GRM8: variants seen among roughly 807,000 people sequenced by gnomAD.
The protein encoded by GRM8 is glutamate metabotropic receptor 8.
In GRM8, 47 loss-of-function variants were observed where a neutral mutation model predicts 87.2. The ratio of observed to expected loss-of-function variants is 0.54; its 90% CI spans 0.43 to 0.69. The LOEUF (loss-of-function observed/expected upper bound fraction) is 0.69. Among genes scored for constraint, GRM8 ranks in the 30% least tolerant of loss-of-function variants. GRM8 has a pLI of 0.00. For synonymous variants in GRM8, 396 were observed against 404.5 expected, an observed-to-expected ratio of 0.98 and a Z score of 0.25; for missense variants, 1,019 against 1,139.2, an observed-to-expected ratio of 0.89 and a Z score of 1.52.
At chr7:126,728,238 G>A (rs10256873) in intron 7 of GRM8, among the ~76,000 whole-genome samples, 71,500 of 151,974 alleles carry the variant, frequency 0.47, 18,322 homozygotes, top group African/African-American at 0.68. Context: ...GGAGAAACAC[G>A]TGAACTAAGG....
intron 3 of GRM8, among the ~76,000 whole-genome samples, chr7:126,958,006 C>T (rs1214974799): frequency 6.6e-6 from 1 of 152,160 alleles, no homozygotes; most frequent in Admixed American, 6.5e-5. Context: ...CTCAGCCAGT[C>T]TTAGACAGAC....
chr7:126,866,631 A>C (rs887570989), intron 6 of GRM8, among the ~76,000 whole-genome samples: 24 of 115,700 alleles, frequency 2.1e-4, no homozygotes, highest in Middle Eastern at 9.1e-3. Context: ...TTGCTCTGTC[A>C]CCCAGGTTGG....
intron 3 of GRM8, among the ~76,000 whole-genome samples, chr7:127,048,117 G>A (rs553017151): frequency 2.6e-5 from 4 of 152,302 alleles, no homozygotes; most frequent in African/African-American, 7.2e-5. Context: ...AGAGCAAATA[G>A]TAAGTGATGA....
At chr7:126,825,802 G>T (rs1392099768) in intron 6 of GRM8, among the ~76,000 whole-genome samples, 1 of 151,886 alleles carries the variant, frequency 6.6e-6, no homozygotes, top group Non-Finnish European at 1.5e-5. Flanking sequence ...CATGTGCCAT[G>T]CTGGTGTGCT....
chr7:127,174,592 T>C (rs541998383), intron 2 of GRM8, among the ~76,000 whole-genome samples: 5 of 152,322 alleles, frequency 3.3e-5, no homozygotes, highest in African/African-American at 1.2e-4. Context: ...AGAAGGCTTT[T>C]AACTTCTCAA....
intron 6 of GRM8, among the ~76,000 whole-genome samples, chr7:126,890,731 G>C (rs568298968): frequency 3.7e-4 from 57 of 152,106 alleles, no homozygotes; most frequent in Non-Finnish European, 6.3e-4. Flanking sequence ...ACACAAAGGA[G>C]AGGATCAGGG....
At chr7:126,505,093 C>A (rs1194612699) in intron 9 of GRM8, among the ~76,000 whole-genome samples, 1 of 151,944 alleles carries the variant, frequency 6.6e-6, no homozygotes, top group Non-Finnish European at 1.5e-5. Context: ...TTCTTGTCAC[C>A]AATTAGGCTA....
intron 6 of GRM8, among the ~76,000 whole-genome samples, chr7:126,881,024 G>C (rs1165455683): frequency 6.6e-6 from 1 of 152,074 alleles, no homozygotes; most frequent in Non-Finnish European, 1.5e-5. Context: ...TGTGCCTTTT[G>C]GCATGCTAGT....
chr7:126,614,046 G>T (rs1799193451), intron 7 of GRM8, among the ~76,000 whole-genome samples: 1 of 152,222 alleles, frequency 6.6e-6, no homozygotes, highest in African/African-American at 2.4e-5. Context: ...TCCCAGCACG[G>T]AGTTTGAGAT....
intron 7 of GRM8, among the ~76,000 whole-genome samples, chr7:126,670,344 A>G (rs563572620): frequency 2.6e-4 from 40 of 152,294 alleles, no homozygotes; most frequent in African/African-American, 9.6e-4. Context: ...ATGATGCTCA[A>G]TCTTCTTTAG....
chr7:126,500,953 CAT>C (rs766103317), intron 9 of GRM8, among the ~76,000 whole-genome samples: 49 of 152,078 alleles, frequency 3.2e-4, no homozygotes, highest in African/African-American at 1.1e-3. Flanking sequence ...TATCAAATCA[CAT>C]GTTTATTTTT....
chr7:126,791,469 G>A (rs17683576), intron 6 of GRM8, among the ~76,000 whole-genome samples: 3,710 of 152,260 alleles, frequency 0.024, 115 homozygotes, highest in Non-Finnish European at 0.028. Flanking sequence ...GCTGTAACCA[G>A]GTAGGCTGCC....
intron 3 of GRM8, among the ~76,000 whole-genome samples, chr7:126,994,905 T>C (rs1041469411): frequency 7.9e-5 from 12 of 152,136 alleles, no homozygotes; most frequent in African/African-American, 2.9e-4. Context: ...ATATAGGTCG[T>C]AGTCAGGTAG....
At chr7:127,056,307 C>A (rs1176847585) in intron 3 of GRM8, among the ~76,000 whole-genome samples, 1 of 152,034 alleles carries the variant, frequency 6.6e-6, no homozygotes, top group African/African-American at 2.4e-5. Context: ...AGTAAGTAGT[C>A]CAAAACTAAC....
intron 7 of GRM8, among the ~76,000 whole-genome samples, chr7:126,683,745 C>A (rs1051527796): frequency 6.6e-5 from 10 of 152,066 alleles, no homozygotes; most frequent in Non-Finnish European, 1.5e-4. Flanking sequence ...AGACAGGAGT[C>A]TGGAAATTGA....
chr7:126,723,211 T>A (rs1433151007), intron 7 of GRM8, among the ~76,000 whole-genome samples: 4 of 151,864 alleles, frequency 2.6e-5, no homozygotes, highest in African/African-American at 9.7e-5. Context: ...GCGGGTGGCA[T>A]TAAAAAACAT....
chr7:126,728,661 T>C (rs937214398), intron 7 of GRM8, among the ~76,000 whole-genome samples: 2 of 152,180 alleles, frequency 1.3e-5, no homozygotes, highest in African/African-American at 4.8e-5. Context: ...AACTTGATTC[T>C]GAAAAGTCAT....
At chr7:127,150,792 G>A (rs573326957) in intron 2 of GRM8, among the ~76,000 whole-genome samples, 1 of 152,076 alleles carries the variant, frequency 6.6e-6, no homozygotes, top group African/African-American at 2.4e-5. Context: ...TACACAGTGT[G>A]GGCCCACCAT....
intron 9 of GRM8, among the ~76,000 whole-genome samples, chr7:126,466,031 T>C (rs1804462057): frequency 6.6e-6 from 1 of 151,958 alleles, no homozygotes; most frequent in Non-Finnish European, 1.5e-5. Context: ...TAAATGGATA[T>C]TAATTTAAGT....
Sources: gnomAD v4.1 joint callset for allele counts (sites outside exome capture counted in the v4.1 genomes callset) on GRCh38, gnomAD v4.1.1 for gene constraint, MANE v1.5 for transcripts, NCBI Gene and HGNC (gene_info 2026-07-23, HGNC 2026-07-21) for gene names.